Variants in ASMTL observed in about 807,000 individuals in gnomAD.
ASMTL encodes probable bifunctional dTTP/UTP pyrophosphatase/methyltransferase protein.
A neutral mutation model predicts 60.3 loss-of-function variants in ASMTL; 57 were observed. The observed-to-expected ratio is 0.95, with a 90% CI of 0.76 to 1.18. The LOEUF (loss-of-function observed/expected upper bound fraction) is 1.18. Ranked by LOEUF, ASMTL falls within the 50% of genes most tolerant of loss-of-function variation. The pLI is 0.00. For synonymous variants in ASMTL, 419 were observed against 373.0 expected (o/e 1.12, Z -1.42); for missense variants, 981 against 852.6 (o/e 1.15, Z -1.88).
In ASMTL at chrX:1,431,349, A is replaced by G. The variant is rs184575124; in HGVS notation, c.509+920T>C. Among the ~76,000 whole-genome samples the G allele has an allele frequency of 9.2e-3, 1,221 of 132,348 alleles. 17 individuals carry two copies. The highest frequency in any genetic ancestry group is 0.032 in the African/African-American group (1,171 of 36,564). 86.8% of individuals were successfully genotyped at this position (132,348 alleles called of 152,430 possible). On this transcript the variant is annotated intron_variant, in intron 6 of 12. Coordinates refer to ENST00000381317, the MANE Select transcript of ASMTL (RefSeq NM_004192.4). ...TATAATTATAAATAATTATAAATAT[A>G]AATTATATAATTTATATATAATTAT...
Position 1,439,176 on chromosome X carries a change from G to A in ASMTL, c.226-32C>T, listed in dbSNP as rs367943089. The A allele has an allele frequency of 5.0e-6, 8 of 1,612,046 alleles. No individual in the cohort carries two copies. In the African/African-American group the frequency reaches 1.1e-4, roughly 22 times the overall value. Reference sequence around the variant, plus strand: ...GAAAACCAGATTCCGGTTTACCGGTGACGTGCCGTGGGTCTCACAGAGAAG... The same window carrying A: ...GAAAACCAGATTCCGGTTTACCGGTAACGTGCCGTGGGTCTCACAGAGAAG... On this transcript the variant is annotated intron_variant, in intron 2 of 12. Coordinates refer to ENST00000381317, the MANE Select transcript of ASMTL (RefSeq NM_004192.4).
At chrX:1,434,154 C>G (rs2090894134) in intron 5 of ASMTL, among the ~76,000 whole-genome samples, 1 of 152,100 alleles carries the variant, frequency 6.6e-6, no homozygotes, top group Non-Finnish European at 1.5e-5. Context: ...CAGGAAGAAC[C>G]CAGCAATATG....
chrX:1,403,578 T>C, intron 12 of ASMTL, 89 bp from the exon 13 acceptor site: 1 of 1,248,954 alleles, frequency 8.0e-7, no homozygotes, highest in South Asian at 1.2e-5. Flanking sequence ...CAACAGGAGC[T>C]CAGAACGGTG....
chrX:1,447,090 C>CTGCTTGGAAGGCCCCTAAAGAG (rs2091244204), intron 1 of ASMTL, among the ~76,000 whole-genome samples: 1 of 152,202 alleles, frequency 6.6e-6, no homozygotes, highest in South Asian at 2.1e-4. Flanking sequence ...TCAACGGGTG[C>CTGCTTGGAAGGCCCCTAAAGAG]TGCTTGGAAG....
chrX:1,443,098 CACACACCGTCGTCGTGG>C (rs1171772544), intron 1 of ASMTL, among the ~76,000 whole-genome samples: 1 of 150,540 alleles, frequency 6.6e-6, no homozygotes, highest in Non-Finnish European at 1.5e-5. Flanking sequence ...CCATCTGGGA[CACACACCGTCGTCGTGG>C]ACACACACCG....
At chrX:1,426,597 A>C (rs2090618092) in intron 7 of ASMTL, among the ~76,000 whole-genome samples, 1 of 152,138 alleles carries the variant, frequency 6.6e-6, no homozygotes, top group Non-Finnish European at 1.5e-5. Context: ...TCACGCCTGT[A>C]ATCCCAGCAC....
At chrX:1,420,805 T>C (rs1228280839) in intron 9 of ASMTL, among the ~76,000 whole-genome samples, 1 of 152,176 alleles carries the variant, frequency 6.6e-6, no homozygotes, top group Non-Finnish European at 1.5e-5. Flanking sequence ...TTCCTATTTC[T>C]ATTTTTCAGA....
intron 8 of ASMTL, among the ~76,000 whole-genome samples, chrX:1,422,423 A>G (rs1462585267): frequency 6.6e-6 from 1 of 152,062 alleles, no homozygotes; most frequent in Non-Finnish European, 1.5e-5. Flanking sequence ...AGCCTACACA[A>G]TCACGTAAGT....
chrX:1,417,945 TAGC>T, intron 11 of ASMTL, 25 bp downstream of exon 11: 1 of 1,585,316 alleles, frequency 6.3e-7, no homozygotes, highest in African/African-American at 1.3e-5. Context: ...TGGAAAAGGT[TAGC>T]AGGGTGAACA....
At chrX:1,447,243 G>A (rs2091246482) in intron 1 of ASMTL, among the ~76,000 whole-genome samples, 1 of 152,194 alleles carries the variant, frequency 6.6e-6, no homozygotes, top group Non-Finnish European at 1.5e-5. Context: ...AGAGGGTCTG[G>A]ATTCACAGAG....
At chrX:1,430,995 A>G (rs1312242509) in intron 6 of ASMTL, among the ~76,000 whole-genome samples, 3 of 135,760 alleles carry the variant, frequency 2.2e-5, no homozygotes, top group East Asian at 2.0e-4. Context: ...ATCACACTTT[A>G]TATTATTATG....
chrX:1,427,853 C>T lies in ASMTL; in HGVS notation c.778G>A (p.Ala260Thr). Reference protein sequence around the residue: ...QRDAGSRDEKAEAGEAGQATA... With the variant: ...QRDAGSRDEKTEAGEAGQATA... ...GCCTGTCCCGCCTCTCCCGCCTCGG[C>T]CTTCTCATCGCGGCTGCCCGCGTCC... Residue 260 changes from alanine (A) to threonine (T), a missense_variant, in exon 7 of 13, where the codon GCC becomes ACC. Transcript: ENST00000381317. The T allele has an allele frequency of 6.2e-7, 1 of 1,613,408 alleles. No individual in the cohort carries two copies. The highest frequency in any genetic ancestry group is 8.5e-7 in the Non-Finnish European group (1 of 1,179,872).
At chrX:1,444,180 CA>C (rs1478388865) in intron 1 of ASMTL, among the ~76,000 whole-genome samples, 2 of 151,392 alleles carry the variant, frequency 1.3e-5, no homozygotes, top group Non-Finnish European at 2.9e-5. Flanking sequence ...CCCCCTTTTC[CA>C]AAACCCTTTG....
chrX:1,453,169 A>T (rs1158387321), upstream of ASMTL, among the ~76,000 whole-genome samples: 4 of 126,666 alleles, frequency 3.2e-5, no homozygotes, highest in South Asian at 2.6e-4. Flanking sequence ...CCGTCAGGCC[A>T]CGCCCAGGCC....
In ASMTL at chrX:1,432,343, G is replaced by A; in HGVS notation, c.435C>T (p.Tyr145=). The part of the protein sequence containing the change: ...HQLDTRVSEF[Y]EETKVKFSEL... ...CCGAGAACTTCACCTTCGTTTCCTC[G>A]TAGAATTCCGAGACCCTGGTGTCCA... Residue 145 remains tyrosine, a synonymous_variant, in exon 6 of 13, where the codon TAC becomes TAT. Transcript: ENST00000381317. 2 of 1,613,200 alleles carry A rather than the reference G, an allele frequency of 1.2e-6. No homozygotes were observed. The highest frequency in any genetic ancestry group is 1.1e-5 in the South Asian group (1 of 90,996).
chrX:1,443,608 CCAT>C (rs2091168767), intron 1 of ASMTL, among the ~76,000 whole-genome samples: 1 of 150,290 alleles, frequency 6.7e-6, no homozygotes. Flanking sequence ...ACAGACACCG[CCAT>C]CGTGGACAGA....
At chrX:1,439,567 C>T (rs367844782) in intron 2 of ASMTL, among the ~76,000 whole-genome samples, 1 of 152,166 alleles carries the variant, frequency 6.6e-6, no homozygotes, top group African/African-American at 2.4e-5. Flanking sequence ...CTACTTAGGG[C>T]TGGGCGCGGT....
At chrX:1,411,605 AAC>A (rs1190701021) in intron 12 of ASMTL, among the ~76,000 whole-genome samples, 1 of 42,958 alleles carries the variant, frequency 2.3e-5, no homozygotes, top group African/African-American at 1.3e-4. Context: ...TCTGCGTAGA[AAC>A]ACACAGATTA....
At chrX:1,443,160 ACCG>A (rs2091147598) in intron 1 of ASMTL, among the ~76,000 whole-genome samples, 4 of 75,452 alleles carry the variant, frequency 5.3e-5, no homozygotes, top group Admixed American at 4.0e-4. Flanking sequence ...TTGGACACAC[ACCG>A]CCATCGTGGA....
Sources: allele counts gnomAD v4.1 joint callset (sites outside exome capture counted in the v4.1 genomes callset), GRCh38; gene constraint gnomAD v4.1.1; transcripts MANE v1.5; gene names NCBI Gene and HGNC (gene_info 2026-07-23, HGNC 2026-07-21).